Variants in NOS1AP observed in about 807,000 individuals in gnomAD.
NOS1AP encodes the protein carboxyl-terminal PDZ ligand of neuronal nitric oxide synthase protein.
A neutral mutation model predicts 56.2 loss-of-function variants in NOS1AP; 21 were observed. The observed-to-expected ratio is 0.37, with a 90% CI of 0.26 to 0.54. NOS1AP has a LOEUF of 0.54. Among genes scored for constraint, NOS1AP ranks in the 20% least tolerant of loss-of-function variants. The pLI, the probability that NOS1AP is intolerant of heterozygous loss-of-function variation, is 0.84. For missense variants in NOS1AP, 522 were observed against 657.8 expected (o/e 0.79, Z 2.26); for synonymous variants, 270 against 274.6 (o/e 0.98, Z 0.17).
At chr1:162,286,780 A>G (rs114882381) in intron 2 of NOS1AP, among the ~76,000 whole-genome samples, 3,717 of 152,352 alleles carry the variant, frequency 0.024, 68 homozygotes, top group Non-Finnish European at 0.037. Flanking sequence ...TTGAGGCCAT[A>G]TCTTTTCTAG....
At chr1:162,126,209 T>C (rs1242097872) in intron 1 of NOS1AP, among the ~76,000 whole-genome samples, 1 of 152,182 alleles carries the variant, frequency 6.6e-6, no homozygotes, top group Non-Finnish European at 1.5e-5. Flanking sequence ...AGGTATAAGA[T>C]CATATCATTG....
chr1:162,196,594 G>A (rs1368956655), intron 2 of NOS1AP, among the ~76,000 whole-genome samples: 4 of 152,150 alleles, frequency 2.6e-5, no homozygotes, highest in Non-Finnish European at 4.4e-5. Flanking sequence ...GAATGAGTAG[G>A]GGCCAAAGGG....
intron 5 of NOS1AP, among the ~76,000 whole-genome samples, chr1:162,339,403 A>T (rs201102763): frequency 0.29 from 22,161 of 75,572 alleles, 1,803 homozygotes; most frequent in South Asian, 0.43. Context: ...GCTTTTTTTA[A>T]AAAAAAAAAA....
At chr1:162,158,688 C>G (rs1650072692) in intron 2 of NOS1AP, among the ~76,000 whole-genome samples, 1 of 152,132 alleles carries the variant, frequency 6.6e-6, no homozygotes, top group Non-Finnish European at 1.5e-5. Flanking sequence ...GATTCCAGAT[C>G]TGGTACTTTC....
chr1:162,134,564 G>A (rs1002564660), intron 1 of NOS1AP, among the ~76,000 whole-genome samples: 1 of 150,134 alleles, frequency 6.7e-6, no homozygotes, highest in African/African-American at 2.4e-5. Flanking sequence ...AAAAAGTCAA[G>A]ATGTGGAGAT....
intron 2 of NOS1AP, among the ~76,000 whole-genome samples, chr1:162,229,091 G>A (rs1653036372): frequency 6.6e-6 from 1 of 152,212 alleles, no homozygotes; most frequent in Non-Finnish European, 1.5e-5. Flanking sequence ...TGTGGAAGTT[G>A]GGATGAAGTT....
At chr1:162,333,276 A>T in intron 5 of NOS1AP, 151 bp downstream of exon 5, 1 of 692,198 alleles carries the variant, frequency 1.4e-6, no homozygotes. Flanking sequence ...ATATAATGGA[A>T]TTCTCTTTTA....
At chr1:162,347,541 A>G (rs1452121979) in intron 6 of NOS1AP, among the ~76,000 whole-genome samples, 1 of 152,204 alleles carries the variant, frequency 6.6e-6, no homozygotes, top group Non-Finnish European at 1.5e-5. Flanking sequence ...GGTCAGAGTT[A>G]TATGGTCTGG....
intron 2 of NOS1AP, among the ~76,000 whole-genome samples, chr1:162,192,197 A>G (rs542439565): frequency 3.3e-5 from 5 of 152,160 alleles, no homozygotes; most frequent in Admixed American, 6.5e-5. Context: ...TGTGTTTGAC[A>G]AGCCCTCCAG....
chr1:162,229,561 C>T (rs12123267), intron 2 of NOS1AP, among the ~76,000 whole-genome samples: 41,028 of 151,774 alleles, frequency 0.27, 5,734 homozygotes, highest in East Asian at 0.39. Context: ...TCTGTTTCAC[C>T]TGTTCCTGTT....
At chr1:162,315,631 C>T in intron 4 of NOS1AP, among the ~76,000 whole-genome samples, 1 of 152,240 alleles carries the variant, frequency 6.6e-6, no homozygotes, top group East Asian at 1.9e-4. Flanking sequence ...GTCTCCACAT[C>T]CTTTATCAGG....
At chr1:162,175,787 G>A (rs1443245672) in intron 2 of NOS1AP, among the ~76,000 whole-genome samples, 1 of 152,128 alleles carries the variant, frequency 6.6e-6, no homozygotes, top group Non-Finnish European at 1.5e-5. Context: ...TTGTAGTGAT[G>A]TCTGCAATTC....
At chr1:162,161,719 C>T (rs969423109) in intron 2 of NOS1AP, among the ~76,000 whole-genome samples, 1 of 152,152 alleles carries the variant, frequency 6.6e-6, no homozygotes, top group African/African-American at 2.4e-5. Context: ...GCTGGGACTA[C>T]AGGCATGTGC....
intron 2 of NOS1AP, among the ~76,000 whole-genome samples, chr1:162,187,209 CA>C (rs1167543877): frequency 6.6e-6 from 1 of 152,118 alleles, no homozygotes; most frequent in Non-Finnish European, 1.5e-5. Flanking sequence ...TCAAGTGATC[CA>C]CCCGCCTAGG....
chr1:162,101,347 G>T (rs1053320536), intron 1 of NOS1AP, among the ~76,000 whole-genome samples: 5 of 152,204 alleles, frequency 3.3e-5, no homozygotes, highest in Non-Finnish European at 7.3e-5. Flanking sequence ...GAGCCTTGTA[G>T]TATAGTTTGA....
rs545341609 is a variant in NOS1AP, at chr1:162,197,085, A to G, written c.177+42609A>G. On this transcript the variant is annotated intron_variant, in intron 2 of 9. Coordinates refer to ENST00000361897, the MANE Select transcript of NOS1AP (RefSeq NM_014697.3). ...AGGCTCTGCATGGATATTTTCTGGC[A>G]AGGGCATCAAACACGTTTCTGAGGG... is the stretch of plus-strand genomic sequence containing the variant. Among the ~76,000 whole-genome samples the G allele has an allele frequency of 1.8e-3, 268 of 152,340 alleles. 5 individuals are homozygous for G. Among genetic ancestry groups the G allele is most frequent in the Non-Finnish European group, 2.6e-3 (174 of 68,016 alleles).
At chr1:162,265,778 T>C (rs1313282400) in intron 2 of NOS1AP, among the ~76,000 whole-genome samples, 1 of 152,212 alleles carries the variant, frequency 6.6e-6, no homozygotes, top group Non-Finnish European at 1.5e-5. Context: ...TGTGACTATA[T>C]TACTGTTAGG....
At chr1:162,227,304 T>C (rs942000005) in intron 2 of NOS1AP, among the ~76,000 whole-genome samples, 1 of 152,340 alleles carries the variant, frequency 6.6e-6, no homozygotes, top group South Asian at 2.1e-4. Flanking sequence ...GGTGGACTTG[T>C]TGTGAATAAA....
At chr1:162,106,111 T>TA (rs895952124) in intron 1 of NOS1AP, among the ~76,000 whole-genome samples, 4 of 152,068 alleles carry the variant, frequency 2.6e-5, no homozygotes, top group Non-Finnish European at 1.5e-5. Context: ...AAATCCCTGG[T>TA]GGTGTGGGCT....
Sources: allele counts gnomAD v4.1 joint callset (sites outside exome capture counted in the v4.1 genomes callset), GRCh38; gene constraint gnomAD v4.1.1; transcripts MANE v1.5; gene names NCBI Gene and HGNC (gene_info 2026-07-23, HGNC 2026-07-21).